The following JAK1 variants were observed in gnomAD, a reference collection of about 807,000 sequenced individuals.
The protein encoded by JAK1 is Janus kinase 1, also known as tyrosine-protein kinase JAK1.
JAK1 carries 16 observed loss-of-function variants against 136.6 expected under a neutral mutation model. The observed-to-expected ratio is 0.12, with a 90% CI of 0.08 to 0.18. JAK1 has a LOEUF of 0.18. Ranked by LOEUF, JAK1 falls within the 10% of genes least tolerant of loss-of-function variation. JAK1 has a pLI of 1.00. For synonymous variants in JAK1, 492 were observed against 519.5 expected, an observed-to-expected ratio of 0.95 and a Z score of 0.72; for missense variants, 859 against 1,450.1, an observed-to-expected ratio of 0.59 and a Z score of 6.62.
intron 1 of JAK1, among the ~76,000 whole-genome samples, chr1:64,921,109 C>T (rs746378188): frequency 6.6e-6 from 1 of 152,136 alleles, no homozygotes; most frequent in East Asian, 1.9e-4. Context: ...TTCAGAGTAA[C>T]TCATAAGCGT....
intron 8 of JAK1, among the ~76,000 whole-genome samples, chr1:64,860,748 C>T (rs749743020): frequency 1.5e-4 from 23 of 151,950 alleles, no homozygotes; most frequent in African/African-American, 5.6e-4. Flanking sequence ...CCACTGTGCC[C>T]GATCCCCCTT....
At chr1:64,970,328 C>G (rs145964602), upstream of JAK1, among the ~76,000 whole-genome samples, 2,520 of 151,582 alleles carry the variant, frequency 0.017, 68 homozygotes, top group African/African-American at 0.058. Flanking sequence ...GTAATTCCAG[C>G]TTCTCGGGAG....
intron 1 of JAK1, among the ~76,000 whole-genome samples, chr1:65,061,439 A>G (rs960358413): frequency 6.6e-6 from 1 of 152,216 alleles, no homozygotes; most frequent in Admixed American, 6.5e-5. Flanking sequence ...AAAACATGCT[A>G]CATCCCTCAT....
At chr1:64,995,021 T>A (rs1482623944) in intron 2 of JAK1, 3 of 150,094 alleles carry the variant, frequency 2.0e-5, no homozygotes, top group African/African-American at 7.4e-5. Context: ...TGAATCTATA[T>A]AAGCAACCAA....
intron 4 of JAK1, among the ~76,000 whole-genome samples, chr1:64,877,161 A>T (rs185810350): frequency 6.6e-6 from 1 of 152,314 alleles, no homozygotes; most frequent in Non-Finnish European, 1.5e-5. Context: ...TTATCTAAAA[A>T]CAGAAAACGA....
At chr1:64,839,332 G>A (rs911438397) in intron 20 of JAK1, among the ~76,000 whole-genome samples, 1 of 152,174 alleles carries the variant, frequency 6.6e-6, no homozygotes, top group Admixed American at 6.6e-5. Context: ...GGTAGAGTAG[G>A]AATCAGTTTC....
chr1:64,963,182 A>C (rs1374977052), intron 1 of JAK1, among the ~76,000 whole-genome samples: 1 of 152,216 alleles, frequency 6.6e-6, no homozygotes, highest in Non-Finnish European at 1.5e-5. Context: ...AAGGGCACAG[A>C]AACAAGGAAC....
intron 1 of JAK1, among the ~76,000 whole-genome samples, chr1:64,913,646 AGG>A: frequency 8.9e-6 from 1 of 112,432 alleles, no homozygotes; most frequent in Non-Finnish European, 1.7e-5. Context: ...GAAGGGAGGA[AGG>A]AAGGAAAGAA....
chr1:65,040,913 G>A (rs190948405), intron 2 of JAK1, among the ~76,000 whole-genome samples: 6 of 152,282 alleles, frequency 3.9e-5, no homozygotes, highest in African/African-American at 1.4e-4. Context: ...AGGAAGCCCA[G>A]GAAGTGAAGT....
chr1:64,960,043 A>G (rs1646254110), intron 1 of JAK1, among the ~76,000 whole-genome samples: 1 of 152,162 alleles, frequency 6.6e-6, no homozygotes, highest in Admixed American at 6.5e-5. Flanking sequence ...CCTGAATAAC[A>G]GAATGAAACC....
intron 10 of JAK1, among the ~76,000 whole-genome samples, chr1:64,856,808 C>T (rs1655968233): frequency 6.6e-6 from 1 of 151,958 alleles, no homozygotes; most frequent in Non-Finnish European, 1.5e-5. Flanking sequence ...CTGCCGTTTC[C>T]TCCTCCCACT....
rs373891319 is a variant in JAK1, at chr1:64,845,476, T to C, written c.2115+37A>G. The C allele has an allele frequency of 4.4e-4, 710 of 1,613,102 alleles. 1 individual carries two copies. The highest frequency in any genetic ancestry group is 5.6e-4 in the Non-Finnish European group (664 of 1,179,228). On this transcript the variant is annotated intron_variant, in intron 15 of 24. Coordinates refer to ENST00000342505, the MANE Select transcript of JAK1 (RefSeq NM_002227.4). ...CCACCCCTCCCAGGACACTCTGGTT[T>C]CTGGTGGGACCATTATGGACATCAG...
chr1:65,012,796 CAA>C (rs374552765), intron 2 of JAK1, among the ~76,000 whole-genome samples: 44 of 115,978 alleles, frequency 3.8e-4, no homozygotes, highest in Middle Eastern at 4.5e-3. Flanking sequence ...GACCCTGTCT[CAA>C]AAAAAAAAAA....
intron 1 of JAK1, among the ~76,000 whole-genome samples, chr1:64,962,629 A>G (rs1397412225): frequency 6.6e-6 from 1 of 152,260 alleles, no homozygotes; most frequent in African/African-American, 2.4e-5. Context: ...TCAACATGAC[A>G]GCTGTTTGAA....
At chr1:64,884,495 ACT>A (rs1336141015) in intron 2 of JAK1, among the ~76,000 whole-genome samples, 2 of 151,972 alleles carry the variant, frequency 1.3e-5, no homozygotes, top group Non-Finnish European at 2.9e-5. Context: ...CAATTCTGAG[ACT>A]CTGAAACAGA....
intron 8 of JAK1, 123 bp from the exon 9 acceptor site, chr1:64,860,385 C>A (rs1656213583): frequency 1.9e-6 from 1 of 526,364 alleles, no homozygotes; most frequent in Admixed American, 3.6e-5. Context: ...AAAGGGAAAA[C>A]CTTTTCATCA....
chr1:64,996,573 G>T (rs1646705932), intron 2 of JAK1, among the ~76,000 whole-genome samples: 1 of 152,192 alleles, frequency 6.6e-6, no homozygotes, highest in Non-Finnish European at 1.5e-5. Context: ...AATGCATTCT[G>T]CATCATATAA....
At chr1:65,065,650 T>G (rs1356951567) in intron 1 of JAK1, among the ~76,000 whole-genome samples, 3 of 150,938 alleles carry the variant, frequency 2.0e-5, no homozygotes, top group Non-Finnish European at 2.9e-5. Context: ...TTGGAATGGT[T>G]AGACTTGGGC....
chr1:64,997,246 G>A (rs182262829), intron 2 of JAK1, among the ~76,000 whole-genome samples: 75 of 152,064 alleles, frequency 4.9e-4, no homozygotes, highest in African/African-American at 1.7e-3. Context: ...AAAAGTAAAC[G>A]GCACAATGGG....
Sources: allele counts gnomAD v4.1 joint callset (sites outside exome capture counted in the v4.1 genomes callset), GRCh38; gene constraint gnomAD v4.1.1; transcripts MANE v1.5; gene names NCBI Gene and HGNC (gene_info 2026-07-23, HGNC 2026-07-21).